The following CFAP20DC variants were observed in gnomAD, a reference collection of about 807,000 sequenced individuals.
CFAP20DC encodes protein CFAP20DC.
CFAP20DC carries 84 observed loss-of-function variants against 101.7 expected under a neutral mutation model. The ratio of observed to expected loss-of-function variants is 0.83; its 90% CI spans 0.69 to 0.99. The LOEUF is 0.99. CFAP20DC is among the 50% of genes least tolerant of loss of function. CFAP20DC has a pLI of 0.00. For missense variants in CFAP20DC, 1,007 were observed against 970.3 expected, an observed-to-expected ratio of 1.04 and a Z score of -0.50; for synonymous variants, 359 against 351.2, an observed-to-expected ratio of 1.02 and a Z score of -0.25.
intron 15 of CFAP20DC, among the ~76,000 whole-genome samples, chr3:58,756,311 G>A (rs756132323): frequency 6.6e-6 from 1 of 152,044 alleles, no homozygotes; most frequent in Non-Finnish European, 1.5e-5. Context: ...AGTAGCTTCA[G>A]AATTCCCAAG....
At chr3:58,936,652 T>C (rs545510746) in intron 5 of CFAP20DC, among the ~76,000 whole-genome samples, 1 of 152,306 alleles carries the variant, frequency 6.6e-6, no homozygotes, top group East Asian at 1.9e-4. Context: ...GAAACCATCA[T>C]TCTCAGTAAA....
intron 6 of CFAP20DC, chr3:58,887,349 A>G (rs974056911): frequency 1.3e-5 from 2 of 152,336 alleles, no homozygotes; most frequent in Admixed American, 1.3e-4. Context: ...TGTCAATGCC[A>G]ATATTAATAA....
chr3:58,933,272 C>G (rs1279335327), intron 5 of CFAP20DC, among the ~76,000 whole-genome samples: 3 of 151,812 alleles, frequency 2.0e-5, no homozygotes, highest in African/African-American at 7.3e-5. Context: ...ATTCATAAAG[C>G]AAGTCCTGAG....
intron 4 of CFAP20DC, among the ~76,000 whole-genome samples, chr3:58,978,506 C>T (rs538990036): frequency 4.6e-5 from 7 of 152,008 alleles, no homozygotes; most frequent in South Asian, 2.1e-4. Flanking sequence ...GCTAGGAGTT[C>T]GAGACCATTC....
chr3:58,848,322 C>G (rs752102119), intron 13 of CFAP20DC, among the ~76,000 whole-genome samples: 1 of 152,090 alleles, frequency 6.6e-6, no homozygotes, highest in African/African-American at 2.4e-5. Context: ...CATACTTGAA[C>G]CAAAGCTTTA....
At chr3:58,936,685 A>C (rs1051243360) in intron 5 of CFAP20DC, among the ~76,000 whole-genome samples, 9 of 152,238 alleles carry the variant, frequency 5.9e-5, no homozygotes, top group African/African-American at 2.2e-4. Flanking sequence ...CGGAAAACCA[A>C]ACACCGCATG....
intron 15 of CFAP20DC, among the ~76,000 whole-genome samples, chr3:58,802,671 T>C (rs1454630207): frequency 6.6e-6 from 1 of 152,230 alleles, no homozygotes; most frequent in African/African-American, 2.4e-5. Flanking sequence ...GAAAAATGAT[T>C]ACTGTTGCAT....
intron 3 of CFAP20DC, among the ~76,000 whole-genome samples, chr3:58,720,055 T>G (rs1575510952): frequency 6.6e-6 from 1 of 152,210 alleles, no homozygotes; most frequent in Non-Finnish European, 1.5e-5. Flanking sequence ...CTTCCCTGTC[T>G]TGCCATCTCA....
At chr3:58,738,879 G>A (rs1314267967), downstream of CFAP20DC, among the ~76,000 whole-genome samples, 1 of 152,094 alleles carries the variant, frequency 6.6e-6, no homozygotes, top group Non-Finnish European at 1.5e-5. The surrounding 1 kb of genome is among the most constrained non-coding windows in gnomAD (Gnocchi z 4.4). Context: ...TTTTAAAAAA[G>A]AACAGCTCAG....
At chr3:58,798,752 C>T (rs1225557331) in intron 15 of CFAP20DC, among the ~76,000 whole-genome samples, 2 of 152,198 alleles carry the variant, frequency 1.3e-5, no homozygotes, top group Non-Finnish European at 2.9e-5. Flanking sequence ...GCCAGAGCCA[C>T]CCCAACCTTC....
rs562970120 is a variant in CFAP20DC, at chr3:58,905,760, C to T, written c.550+7948G>A. ...GGAATTTAAGAAATAGGTTAAAAAG[C>T]TTCCTATGAAAAAGTTCTCAACACA... On this transcript the variant is annotated intron_variant, in intron 6 of 16. Transcript: ENST00000482387. Among the ~76,000 whole-genome samples the T allele has an allele frequency of 1.1e-3, 173 of 152,252 alleles. 1 individual carries two copies. The highest frequency in any genetic ancestry group is 3.8e-3 in the African/African-American group (156 of 41,550).
At chr3:58,906,254 C>A (rs2083574718) in intron 6 of CFAP20DC, among the ~76,000 whole-genome samples, 1 of 152,178 alleles carries the variant, frequency 6.6e-6, no homozygotes, top group Non-Finnish European at 1.5e-5. Flanking sequence ...ACAATCATTG[C>A]ATCACTTCTA....
chr3:59,001,390 C>T lies in CFAP20DC; in HGVS notation c.278+38167G>A, dbSNP rs1234859290. On this transcript the variant is annotated intron_variant, in intron 4 of 16. Coordinates refer to ENST00000482387, the MANE Select transcript of CFAP20DC (RefSeq NM_001394063.1). This position sits in a 1 kb window ranked among gnomAD's most constrained non-coding sequence, Gnocchi z 4.5. ...GGCCTTTGAAACAGTCTCTCCCTCT[C>T]TCCCTCTCTCCCTCTCTCCTTCTCT... Among the ~76,000 whole-genome samples, 1 of 151,996 alleles carries T rather than the reference C, an allele frequency of 6.6e-6. No homozygotes were observed. Among genetic ancestry groups the T allele is most frequent in the African/African-American group, 2.4e-5 (1 of 41,402 alleles).
chr3:58,948,198 T>C (rs975063183), intron 4 of CFAP20DC, among the ~76,000 whole-genome samples: 10 of 152,216 alleles, frequency 6.6e-5, no homozygotes, highest in African/African-American at 2.4e-4. Context: ...ACCAGTATGC[T>C]TCCTGCTACT....
chr3:58,870,301 T>C lies in CFAP20DC; in HGVS notation c.724A>G (p.Ile242Val). 1 of 1,613,778 alleles carries C rather than the reference T, an allele frequency of 6.2e-7. No individual in the cohort carries two copies. The change falls in exon 8 of 17, where the codon ATT (isoleucine) becomes GTT (valine). Residue 242 changes from isoleucine to valine, a missense_variant. By Grantham distance (29) the Ile-to-Val change is conservative. Coordinates refer to ENST00000482387, the MANE Select transcript of CFAP20DC (RefSeq NM_001394063.1). Reference protein sequence around the residue: ...PLRSAESDQFINRGTSITRNS... With the variant: ...PLRSAESDQFVNRGTSITRNS... Reference sequence around the variant, plus strand: ...CGTGTAATACTTGTTCCTCTGTTAATGAACTGATCTGTTTTGTTAAAGGAA... The same window carrying C: ...CGTGTAATACTTGTTCCTCTGTTAACGAACTGATCTGTTTTGTTAAAGGAA...
intron 4 of CFAP20DC, among the ~76,000 whole-genome samples, chr3:58,991,226 C>T (rs2108618643): frequency 6.6e-6 from 1 of 152,278 alleles, no homozygotes; most frequent in South Asian, 2.1e-4. Flanking sequence ...ACATCCTTAA[C>T]AAACTGTAGT....
At chr3:59,010,737 C>T (rs1406518250) in intron 4 of CFAP20DC, among the ~76,000 whole-genome samples, 1 of 152,144 alleles carries the variant, frequency 6.6e-6, no homozygotes, top group Non-Finnish European at 1.5e-5. Context: ...GAACATTTTA[C>T]CCAACAAATG....
In CFAP20DC at chr3:58,831,662, G is replaced by A. The variant is rs760708826; in HGVS notation, c.2175+24C>T. 3.1e-6 allele frequency: 5 copies of A among 1,606,886 alleles called. No homozygotes were observed. In the South Asian group the frequency reaches 5.5e-5, roughly 18 times the overall value. ...CTTGCTCCTTGTTAAGCAATGAGAG[G>A]AAGCTGCAAAGCCAGGGACTCACGG... On this transcript the variant is annotated intron_variant, in intron 14 of 16. Transcript: ENST00000482387.
intron 5 of CFAP20DC, among the ~76,000 whole-genome samples, chr3:58,935,365 T>G (rs1341845103): frequency 2.0e-5 from 3 of 151,942 alleles, no homozygotes; most frequent in Admixed American, 2.0e-4. Context: ...AATTTATAGA[T>G]TCAATGCCAT....
Sources: allele counts gnomAD v4.1 joint callset (sites outside exome capture counted in the v4.1 genomes callset), GRCh38; gene constraint gnomAD v4.1.1; non-coding constraint Gnocchi (gnomAD v3.1); transcripts MANE v1.5; gene names NCBI Gene and HGNC (gene_info 2026-07-23, HGNC 2026-07-21).